The following ATP8A2 variants were observed in gnomAD, a reference collection of about 807,000 sequenced individuals.
ATP8A2 encodes ATPase phospholipid transporting 8A2, also known as phospholipid-transporting ATPase IB.
In ATP8A2, 100 loss-of-function variants were observed where a neutral mutation model predicts 165.6. The ratio of observed to expected loss-of-function variants is 0.60; its 90% CI spans 0.51 to 0.71. ATP8A2 has a LOEUF of 0.71. ATP8A2 is among the 30% of genes least tolerant of loss of function. The pLI is 0.00. For missense variants in ATP8A2, 1,227 were observed against 1,479.5 expected (o/e 0.83, Z 2.80); for synonymous variants, 543 against 548.8 (o/e 0.99, Z 0.15).
At chr13:25,818,253 C>T (rs1951078132) in intron 27 of ATP8A2, among the ~76,000 whole-genome samples, 1 of 152,072 alleles carries the variant, frequency 6.6e-6, no homozygotes, top group Non-Finnish European at 1.5e-5. Context: ...AAAAGGATCC[C>T]TTGGCACTCA....
At chr13:25,876,326 A>G (rs1343598737) in intron 33 of ATP8A2, among the ~76,000 whole-genome samples, 1 of 152,326 alleles carries the variant, frequency 6.6e-6, no homozygotes, top group African/African-American at 2.4e-5. Flanking sequence ...TGGAAAGTCT[A>G]TCCCCAGCAC....
chr13:25,693,162 A>G (rs1376491360), intron 24 of ATP8A2, among the ~76,000 whole-genome samples: 1 of 152,198 alleles, frequency 6.6e-6, no homozygotes, highest in Non-Finnish European at 1.5e-5. Context: ...GGATCCAACC[A>G]TAATTTGTAA....
intron 2 of ATP8A2, among the ~76,000 whole-genome samples, chr13:25,499,710 A>G (rs1033166630): frequency 3.3e-5 from 5 of 152,170 alleles, no homozygotes; most frequent in African/African-American, 1.2e-4. Context: ...CCAGTGTACT[A>G]TTTTATTTAA....
chr13:25,984,359 T>C (rs1956231081), intron 35 of ATP8A2, among the ~76,000 whole-genome samples: 1 of 151,824 alleles, frequency 6.6e-6, no homozygotes, highest in African/African-American at 2.4e-5. Flanking sequence ...ATTCCAGCAC[T>C]TTGGGAGATG....
chr13:25,479,031 A>G (rs1428049502), intron 2 of ATP8A2, among the ~76,000 whole-genome samples: 1 of 152,082 alleles, frequency 6.6e-6, no homozygotes, highest in Non-Finnish European at 1.5e-5. Context: ...GTATTTTAGT[A>G]GAGACGGGGT....
intron 33 of ATP8A2, among the ~76,000 whole-genome samples, chr13:25,954,366 T>C (rs1411476060): frequency 6.6e-6 from 1 of 152,162 alleles, no homozygotes; most frequent in African/African-American, 2.4e-5. Flanking sequence ...GTCAGGGTCT[T>C]ATAGATAAAA....
At chr13:25,804,282 A>T (rs370110271) in intron 27 of ATP8A2, among the ~76,000 whole-genome samples, 1 of 152,176 alleles carries the variant, frequency 6.6e-6, no homozygotes, top group East Asian at 1.9e-4. Flanking sequence ...AGTGTTACCA[A>T]ATATTACAGC....
At chr13:25,572,454 A>G (rs532061005) in intron 18 of ATP8A2, among the ~76,000 whole-genome samples, 1 of 152,214 alleles carries the variant, frequency 6.6e-6, no homozygotes, top group Admixed American at 6.5e-5. Flanking sequence ...TTTTATCTAT[A>G]TGAGGGATCC....
At chr13:25,448,965 A>G (rs1566140657) in intron 1 of ATP8A2, among the ~76,000 whole-genome samples, 2 of 152,196 alleles carry the variant, frequency 1.3e-5, no homozygotes, top group Non-Finnish European at 2.9e-5. Context: ...GTGCCCAGCC[A>G]ATAAAGTTCT....
chr13:25,601,436 G>A (rs1311847284), intron 24 of ATP8A2, among the ~76,000 whole-genome samples: 1 of 152,174 alleles, frequency 6.6e-6, no homozygotes, highest in African/African-American at 2.4e-5. Context: ...GAAAAGATAT[G>A]TTTAGAAATA....
chr13:25,717,845 T>G (rs2043289580), intron 25 of ATP8A2, among the ~76,000 whole-genome samples: 1 of 152,224 alleles, frequency 6.6e-6, no homozygotes, highest in South Asian at 2.1e-4. Context: ...TCCTGTGGTC[T>G]GGCATGTACC....
intron 1 of ATP8A2, among the ~76,000 whole-genome samples, chr13:25,379,263 C>T (rs1050095679): frequency 5.9e-5 from 9 of 152,102 alleles, no homozygotes; most frequent in African/African-American, 1.7e-4. Context: ...AATGCAGCAC[C>T]GAGGATCCCA....
chr13:25,754,630 C>T (rs931572518), intron 25 of ATP8A2, among the ~76,000 whole-genome samples: 4 of 151,928 alleles, frequency 2.6e-5, no homozygotes, highest in Non-Finnish European at 4.4e-5. Flanking sequence ...AAAAACAGAG[C>T]GGTGTTAGCT....
At chr13:25,613,478 G>A (rs566134717) in intron 24 of ATP8A2, among the ~76,000 whole-genome samples, 1 of 152,130 alleles carries the variant, frequency 6.6e-6, no homozygotes, top group South Asian at 2.1e-4. Flanking sequence ...GGAGGCTGAG[G>A]CAGGAGAATT....
intron 24 of ATP8A2, among the ~76,000 whole-genome samples, chr13:25,668,038 G>A (rs968862379): frequency 1.1e-4 from 16 of 152,084 alleles, no homozygotes; most frequent in South Asian, 2.1e-4. Context: ...TTTTGTGCAC[G>A]AGTCTTTTAA....
chr13:25,813,537 C>G (rs544269590), intron 27 of ATP8A2, among the ~76,000 whole-genome samples: 24 of 89,438 alleles, frequency 2.7e-4, no homozygotes, highest in Non-Finnish European at 5.0e-4. Flanking sequence ...TATGATGATA[C>G]GGTATATGAT....
intron 33 of ATP8A2, among the ~76,000 whole-genome samples, chr13:25,942,505 A>G (rs1350705191): frequency 2.6e-5 from 4 of 152,080 alleles, no homozygotes; most frequent in African/African-American, 9.7e-5. Context: ...TCACTGCCAC[A>G]TCTGCCTCCC....
intron 2 of ATP8A2, among the ~76,000 whole-genome samples, chr13:25,518,285 C>T (rs7325454): frequency 0.014 from 2,164 of 152,254 alleles, 52 homozygotes; most frequent in African/African-American, 0.05. Context: ...CTATCGGGAG[C>T]CTGCTAGGAT....
chr13:25,682,861 A>G (rs1435517869), intron 24 of ATP8A2, among the ~76,000 whole-genome samples: 1 of 152,188 alleles, frequency 6.6e-6, no homozygotes, highest in East Asian at 1.9e-4. Flanking sequence ...GGCCTGCAGT[A>G]TAAGCCAGTT....
Sources: gnomAD v4.1 joint callset for allele counts (sites outside exome capture counted in the v4.1 genomes callset) on GRCh38, gnomAD v4.1.1 for gene constraint, MANE v1.5 for transcripts, NCBI Gene and HGNC (gene_info 2026-07-23, HGNC 2026-07-21) for gene names.